The following EYS variants were observed in gnomAD, a reference collection of about 807,000 sequenced individuals.
The protein encoded by EYS is protein eyes shut homolog.
EYS carries 250 observed loss-of-function variants against 282.1 expected under a neutral mutation model. The ratio of observed to expected loss-of-function variants is 0.89; its 90% CI spans 0.80 to 0.98. EYS has a LOEUF of 0.98. EYS is among the 50% of genes least tolerant of loss of function. The probability of loss-of-function intolerance (pLI) is 0.00; values close to 1 mark genes in which losing one functional copy is unlikely to be tolerated. For missense variants in EYS, 4,016 were observed against 3,709.0 expected (o/e 1.08, Z -2.15); for synonymous variants, 1,355 against 1,282.9 (o/e 1.06, Z -1.20).
Position 64,949,520 on chromosome 6 carries a change from T to TA in EYS, c.2260-3607dup, listed in dbSNP as rs945263048. Among the ~76,000 whole-genome samples the TA allele has an allele frequency of 2.0e-4, 31 of 152,070 alleles. No individual in the cohort carries two copies. In the East Asian group the frequency reaches 2.1e-3, roughly 10 times the overall value. On this transcript the variant is annotated intron_variant, in intron 14 of 42. Transcript: ENST00000503581. ...AGGACAACAGGAGAATCTCTGCTGT[T>TA]ACCTCTTGTTTTGTTAAAGGCCCAT... is the stretch of plus-strand genomic sequence containing the variant.
intron 12 of EYS, among the ~76,000 whole-genome samples, chr6:65,285,739 G>A (rs1401930495): frequency 2.0e-5 from 3 of 151,860 alleles, no homozygotes; most frequent in Non-Finnish European, 4.4e-5. Flanking sequence ...TGTACAAATC[G>A]AGAAATATTA....
rs181176248 is a variant in EYS at position 65,462,537 on chromosome 6, A to G, written c.862+28057T>C. Among the ~76,000 whole-genome samples the G allele has an allele frequency of 8.7e-4, 133 of 152,134 alleles. 2 individuals carry two copies. The highest frequency in any genetic ancestry group is 9.9e-4 in the Non-Finnish European group (67 of 67,970). On this transcript the variant is annotated intron_variant, in intron 5 of 42. Coordinates refer to ENST00000503581, the MANE Select transcript of EYS (RefSeq NM_001142800.2). ...AATATTAGAATTCTATTTATTATTT[A>G]TAGTATATTTTATTATTTGTAGTGT...
chr6:65,530,412 T>G (rs1242915440), intron 2 of EYS, among the ~76,000 whole-genome samples: 1 of 152,142 alleles, frequency 6.6e-6, no homozygotes, highest in East Asian at 1.9e-4. Flanking sequence ...TGCACATTAG[T>G]TTAAGTATTG....
At chr6:65,598,982 T>C (rs1765515773) in intron 2 of EYS, among the ~76,000 whole-genome samples, 1 of 152,084 alleles carries the variant, frequency 6.6e-6, no homozygotes, top group African/African-American at 2.4e-5. Flanking sequence ...TATCTATATT[T>C]ATATATCTAT....
intron 15 of EYS, among the ~76,000 whole-genome samples, chr6:64,929,005 G>A (rs1333423137): frequency 6.6e-6 from 1 of 152,134 alleles, no homozygotes; most frequent in African/African-American, 2.4e-5. Flanking sequence ...AGGTGTTGGG[G>A]TTGAATTGTA....
chr6:65,555,276 A>T (rs893067638), intron 2 of EYS, among the ~76,000 whole-genome samples: 1 of 152,134 alleles, frequency 6.6e-6, no homozygotes, highest in African/African-American at 2.4e-5. Context: ...ACTTCACACC[A>T]TTACTAGCAA....
At chr6:64,315,737 T>C (rs987285893) in intron 29 of EYS, among the ~76,000 whole-genome samples, 1 of 151,472 alleles carries the variant, frequency 6.6e-6, no homozygotes, top group Non-Finnish European at 1.5e-5. Flanking sequence ...ATCATCCTGA[T>C]ACGAAAACCT....
intron 31 of EYS, among the ~76,000 whole-genome samples, chr6:64,090,451 A>T (rs1772316380): frequency 6.6e-6 from 1 of 152,192 alleles, no homozygotes. Context: ...TTTTCAATAT[A>T]GAATTGATAA....
chr6:64,719,773 G>A (rs7762808), intron 22 of EYS, among the ~76,000 whole-genome samples: 31,499 of 152,012 alleles, frequency 0.21, 4,137 homozygotes, highest in East Asian at 0.49. Context: ...GGCATGGTGC[G>A]CATGCCTATA....
chr6:65,579,971 T>C (rs1292060271), intron 2 of EYS, among the ~76,000 whole-genome samples: 3 of 152,158 alleles, frequency 2.0e-5, no homozygotes, highest in African/African-American at 7.2e-5. Context: ...AAAATTTAAA[T>C]AATAGGGTTA....
chr6:64,089,462 A>G (rs919771293), intron 31 of EYS, among the ~76,000 whole-genome samples: 8 of 149,616 alleles, frequency 5.3e-5, no homozygotes, highest in African/African-American at 2.0e-4. Flanking sequence ...ATGATTATCA[A>G]TATCTTAAAT....
At chr6:64,668,885 G>GTTA (rs1769336413) in intron 22 of EYS, among the ~76,000 whole-genome samples, 2 of 151,912 alleles carry the variant, frequency 1.3e-5, no homozygotes, top group African/African-American at 2.4e-5. Flanking sequence ...CATAATTCTT[G>GTTA]TGAACACTGA....
chr6:64,927,135 A>T (rs1451541279), intron 15 of EYS, among the ~76,000 whole-genome samples: 1 of 152,196 alleles, frequency 6.6e-6, no homozygotes, highest in Non-Finnish European at 1.5e-5. Flanking sequence ...GCAAAATGTA[A>T]CATGCTAACT....
intron 8 of EYS, among the ~76,000 whole-genome samples, chr6:65,375,098 C>G (rs939818798): frequency 3.3e-5 from 5 of 152,142 alleles, no homozygotes; most frequent in African/African-American, 1.2e-4. Context: ...TGAGAGACCT[C>G]CCAACAGAGG....
At chr6:65,529,642 G>T (rs369712609) in intron 2 of EYS, among the ~76,000 whole-genome samples, 21 of 152,262 alleles carry the variant, frequency 1.4e-4, no homozygotes, top group African/African-American at 4.3e-4. Context: ...CATTATTATG[G>T]ACTGAATGTT....
chr6:65,025,582 A>G (rs1772384162), intron 13 of EYS, among the ~76,000 whole-genome samples: 1 of 152,174 alleles, frequency 6.6e-6, no homozygotes, highest in South Asian at 2.1e-4. Flanking sequence ...ACTCTGGTAG[A>G]GCTATGCATT....
intron 35 of EYS, among the ~76,000 whole-genome samples, chr6:63,933,608 GGTCTGGGGTGGGGCTGAAA>G (rs1764963015): frequency 6.6e-6 from 1 of 152,150 alleles, no homozygotes; most frequent in African/African-American, 2.4e-5. Flanking sequence ...TCTTCCCAGA[GGTCTGGGGTGGGGCTGAAA>G]GTCCCAACCC....
intron 41 of EYS, 61 bp downstream of exon 41, chr6:63,762,394 CTGACTT>C: frequency 6.9e-7 from 1 of 1,439,982 alleles, no homozygotes; most frequent in Middle Eastern, 2.3e-4. Flanking sequence ...AAAAAGAAAA[CTGACTT>C]TGAAGTTCCT....
chr6:64,018,307 T>C (rs891037667), intron 33 of EYS, among the ~76,000 whole-genome samples: 9 of 152,284 alleles, frequency 5.9e-5, no homozygotes, highest in Admixed American at 3.9e-4. Context: ...AAACCTCAGA[T>C]TGGATTCATA....
Sources: gnomAD v4.1 joint callset for allele counts (sites outside exome capture counted in the v4.1 genomes callset) on GRCh38, gnomAD v4.1.1 for gene constraint, MANE v1.5 for transcripts, NCBI Gene and HGNC (gene_info 2026-07-23, HGNC 2026-07-21) for gene names.